The following USP42 variants were observed in gnomAD, a reference collection of about 807,000 sequenced individuals.
USP42 encodes ubiquitin specific peptidase 42, also known as ubiquitin carboxyl-terminal hydrolase 42.
USP42 carries 23 observed loss-of-function variants against 113.0 expected under a neutral mutation model. The ratio of observed to expected loss-of-function variants is 0.20; its 90% CI spans 0.15 to 0.29. The LOEUF is 0.29. USP42 is among the 10% of genes least tolerant of loss of function. The probability of loss-of-function intolerance (pLI) is 1.00; values close to 1 mark genes in which losing one functional copy is unlikely to be tolerated. For synonymous variants in USP42, 933 were observed against 699.0 expected (o/e 1.33, Z -5.28); for missense variants, 2,174 against 1,779.8 (o/e 1.22, Z -3.99).
At chr7:6,118,573 C>G (rs376976590) in intron 3 of USP42, among the ~76,000 whole-genome samples, 15 of 151,860 alleles carry the variant, frequency 9.9e-5, no homozygotes, top group African/African-American at 3.6e-4. Flanking sequence ...CTACAGGTCA[C>G]AAATATTTTT....
chr7:6,154,918 C>T lies in USP42; in HGVS notation c.3364C>T (p.Pro1122Ser), dbSNP rs1185778460. The change falls in exon 15 of 18, where the codon CCC (proline) becomes TCC (serine). Residue 1122 changes from proline (P) to serine (S), a missense_variant. By Grantham distance (74) the Pro-to-Ser change is moderately conservative. Transcript: ENST00000306177. Reference sequence around the variant, plus strand: ...CCCCAGCAGCCCCCGCGCAGGCGCGCCCCACGCCCTCGCCCCGCACCCCGA... The same window carrying T: ...CCCCAGCAGCCCCCGCGCAGGCGCGTCCCACGCCCTCGCCCCGCACCCCGA... ...HRPSSPRAGA[P>S]HALAPHPDRF... The T allele has an allele frequency of 2.6e-6, 4 of 1,549,146 alleles. No homozygotes were observed. The highest frequency in any genetic ancestry group is 3.9e-5 in the Admixed American group (2 of 50,916).
rs947038955 is a variant in USP42, at chr7:6,110,820, G to A, written c.-9-305G>A. Among the ~76,000 whole-genome samples, 10 of 152,274 alleles carry A rather than the reference G, an allele frequency of 6.6e-5. No homozygotes were observed. The South Asian group carries it at 1.9e-3, about 28-fold the overall frequency. ...AATAAACAGAACTGAGAATTGAAAT[G>A]TCCAATTATAAACTGAAATGCCAGA... On this transcript the variant is annotated intron_variant, in intron 1 of 17. Transcript: ENST00000306177.
the USP42 span, among the ~76,000 whole-genome samples, chr7:6,091,772 G>T: frequency 6.7e-6 from 1 of 149,696 alleles, no homozygotes; most frequent in East Asian, 1.9e-4. Flanking sequence ...GACAGTGGGG[G>T]ATGGGGGTGC....
intron 2 of USP42, among the ~76,000 whole-genome samples, chr7:6,114,642 ATGTATGTGTGTGTG>A (rs1779783412): frequency 1.9e-5 from 2 of 106,924 alleles, no homozygotes; most frequent in African/African-American, 4.0e-5. Context: ...GTGTGTATAT[ATGTATGTGTGTGTG>A]TATATATATA....
At chr7:6,155,681 C>T (rs533175287) in intron 15 of USP42, among the ~76,000 whole-genome samples, 2 of 152,328 alleles carry the variant, frequency 1.3e-5, no homozygotes, top group African/African-American at 4.8e-5. Flanking sequence ...GCGTAGGCAT[C>T]GGAGACACCT....
upstream of USP42, among the ~76,000 whole-genome samples, chr7:6,103,738 C>CAAAAAAA (rs398066574): frequency 3.0e-5 from 3 of 100,890 alleles, no homozygotes; most frequent in Admixed American, 1.1e-4. Context: ...CCCGTCTCTA[C>CAAAAAAA]AAAAAAAAAA....
At chr7:6,141,519 TA>T (rs1239518281) in intron 7 of USP42, among the ~76,000 whole-genome samples, 1 of 152,028 alleles carries the variant, frequency 6.6e-6, no homozygotes, top group African/African-American at 2.4e-5. Context: ...AATATCTTAA[TA>T]AAACTAGATT....
In USP42 at chr7:6,156,957, G is replaced by A; in HGVS notation, c.3845G>A (p.Gly1282Asp). The A allele has an allele frequency of 1.2e-6, 2 of 1,613,520 alleles. No individual in the cohort carries two copies. The highest frequency in any genetic ancestry group is 1.7e-6 in the Non-Finnish European group (2 of 1,179,710). Reference protein sequence around the residue: ...RAQGGFPLSGGPPLEGVGPFR... With the variant: ...RAQGGFPLSGDPPLEGVGPFR... ...CAGGGTGGCTTTCCTCTCTCTGGTG[G>A]CCCGCCTCTGGAAGGCGTCGGACCT... The change falls in exon 16 of 18, where the codon GGC becomes GAC. Residue 1282 changes from glycine to aspartate, a missense_variant. Transcript: ENST00000306177.
the USP42 span, among the ~76,000 whole-genome samples, chr7:6,097,590 T>C: frequency 2.7e-5 from 4 of 150,166 alleles, no homozygotes; most frequent in African/African-American, 1.0e-4. Context: ...TATTTCTTTT[T>C]CTTTTCTTTT....
intron 3 of USP42, among the ~76,000 whole-genome samples, chr7:6,126,117 T>G (rs1223783103): frequency 2.0e-5 from 3 of 152,208 alleles, no homozygotes; most frequent in Non-Finnish European, 4.4e-5. Flanking sequence ...GATTCTCCAT[T>G]TCTATGATTT....
intron 3 of USP42, among the ~76,000 whole-genome samples, chr7:6,120,209 C>T (rs1780141371): frequency 6.6e-6 from 1 of 152,082 alleles, no homozygotes; most frequent in African/African-American, 2.4e-5. Context: ...CATGATCTGC[C>T]TGCCTCGGCC....
intron 11 of USP42, 47 bp from the exon 12 acceptor site, chr7:6,147,692 A>G (rs1340818859): frequency 1.3e-6 from 2 of 1,521,248 alleles, no homozygotes; most frequent in South Asian, 1.3e-5. Flanking sequence ...AATCTCTCCT[A>G]AGGAGGTGTC....
chr7:6,088,261 T>C, the USP42 span, among the ~76,000 whole-genome samples: 1 of 151,016 alleles, frequency 6.6e-6, no homozygotes, highest in African/African-American at 2.5e-5. Flanking sequence ...CATTACTTTT[T>C]TTTTTCTTTT....
intron 1 of USP42, among the ~76,000 whole-genome samples, chr7:6,107,139 T>C (rs1020548124): frequency 5.9e-5 from 9 of 152,218 alleles, no homozygotes; most frequent in Admixed American, 2.0e-4. Context: ...TTGGTTGGTT[T>C]TTCCACAGTT....
intron 3 of USP42, among the ~76,000 whole-genome samples, chr7:6,118,540 GA>G (rs78650996): frequency 9.5e-4 from 134 of 140,936 alleles, no homozygotes; most frequent in African/African-American, 2.8e-3. Context: ...GAAAAGACAA[GA>G]AAAAAAAAAA....
At position 6,158,668 on chromosome 7, in the gene USP42, G is replaced by GC. The variant is rs1782602206; in HGVS notation, c.3944-781dup. On this transcript the variant is annotated intron_variant, in intron 16 of 17. Transcript: ENST00000306177. This position sits in a 1 kb window ranked among gnomAD's most constrained non-coding sequence, Gnocchi z 4.2. ...CACTGCCGGTGAGGACGGGTTGCCT[G>GC]CGGGCCTTGTAGACGTTCTGGACAT... 6.6e-6 allele frequency among the ~76,000 whole-genome samples: 1 copy of GC among 152,250 alleles called. No homozygotes were observed. The highest frequency in any genetic ancestry group is 1.5e-5 in the Non-Finnish European group (1 of 68,054).
intron 1 of USP42, among the ~76,000 whole-genome samples, chr7:6,107,383 T>C (rs1256963772): frequency 6.6e-6 from 1 of 151,864 alleles, no homozygotes; most frequent in Admixed American, 6.6e-5. Context: ...TTCTTACAAC[T>C]CTATTTGGGC....
Position 6,150,011 on chromosome 7 carries a change from G to A in USP42, c.1815G>A (p.Val605=). The change falls in exon 13 of 18, where the codon GTG becomes GTA. Residue 605 remains valine (V), a synonymous_variant. Coordinates refer to ENST00000306177, the MANE Select transcript of USP42 (RefSeq NM_032172.3). ...GKSKLNSSVL[V]PYGAESSEDS... ...CCAAGCTGAACTCCAGCGTGCTGGTGCCCTATGGCGCCGAGTCCTCTGAGG... is the reference window on the plus strand; with the variant it reads ...CCAAGCTGAACTCCAGCGTGCTGGTACCCTATGGCGCCGAGTCCTCTGAGG... The A allele has an allele frequency of 2.5e-6, 4 of 1,613,010 alleles. No individual in the cohort carries two copies. The highest frequency in any genetic ancestry group is 2.2e-5 in the East Asian group (1 of 44,856).
At chr7:6,145,795 C>T (rs146834745) in intron 10 of USP42, 139 bp downstream of exon 10, 17,101 of 1,021,644 alleles carry the variant, frequency 0.017, 211 homozygotes, top group Middle Eastern at 0.055. Context: ...CTTGGCCGGG[C>T]GCAGTGGCTT....
Sources: gnomAD v4.1 joint callset for allele counts (sites outside exome capture counted in the v4.1 genomes callset) on GRCh38, gnomAD v4.1.1 for gene constraint, Gnocchi (gnomAD v3.1) non-coding constraint, MANE v1.5 for transcripts, NCBI Gene and HGNC (gene_info 2026-07-23, HGNC 2026-07-21) for gene names.